CELF2: variants seen among roughly 807,000 people sequenced by gnomAD.
CELF2 encodes CUGBP Elav-like family member 2, also known as CUG triplet repeat RNA-binding protein 2.
CELF2 carries 8 observed loss-of-function variants against 62.6 expected under a neutral mutation model. The observed-to-expected ratio is 0.13, with a 90% CI of 0.07 to 0.23. CELF2 has a LOEUF of 0.23. Ranked by LOEUF, CELF2 falls within the 10% of genes least tolerant of loss-of-function variation. CELF2 has a pLI of 1.00. For synonymous variants in CELF2, 258 were observed against 250.0 expected (o/e 1.03, Z -0.30); for missense variants, 333 against 671.0 (o/e 0.50, Z 5.56).
the CELF2 span, among the ~76,000 whole-genome samples, chr10:10,620,197 C>A: frequency 1.3e-5 from 2 of 152,152 alleles, no homozygotes; most frequent in South Asian, 2.1e-4. Context: ...TGGAATATAG[C>A]CATACTTATT....
At chr10:10,733,351 A>C in the CELF2 span, among the ~76,000 whole-genome samples, 5 of 152,304 alleles carry the variant, frequency 3.3e-5, no homozygotes, top group East Asian at 9.6e-4. Flanking sequence ...TCTATCTGCC[A>C]ACAGCGATAA....
At chr10:11,166,062 G>A (rs1173366725) in intron 2 of CELF2, among the ~76,000 whole-genome samples, 1 of 152,226 alleles carries the variant, frequency 6.6e-6, no homozygotes, top group Non-Finnish European at 1.5e-5. Context: ...CCACCCCTAC[G>A]TTCCTAGGCT....
chr10:10,677,040 A>T, the CELF2 span, among the ~76,000 whole-genome samples: 1 of 152,224 alleles, frequency 6.6e-6, no homozygotes, highest in South Asian at 2.1e-4. Flanking sequence ...CCAAAAAAGC[A>T]GACCAGTTCA....
intron 1 of CELF2, among the ~76,000 whole-genome samples, chr10:10,908,905 A>G (rs2063571342): frequency 6.6e-6 from 1 of 152,032 alleles, no homozygotes; most frequent in Non-Finnish European, 1.5e-5. Flanking sequence ...CTCCTGCCTC[A>G]GCTCCCGAGT....
chr10:10,663,753 A>G, the CELF2 span, among the ~76,000 whole-genome samples: 1 of 152,218 alleles, frequency 6.6e-6, no homozygotes, highest in African/African-American at 2.4e-5. Flanking sequence ...GGCCCTGAAT[A>G]TCCATCCAAG....
the CELF2 span, among the ~76,000 whole-genome samples, chr10:10,709,583 A>G: frequency 1.3e-5 from 2 of 152,196 alleles, no homozygotes; most frequent in Admixed American, 6.6e-5. Flanking sequence ...GAATATGTGA[A>G]GGTGGATGAG....
At position 11,152,845 on chromosome 10, in the gene CELF2, G is replaced by A. The variant is rs188847699; in HGVS notation, c.75-12641G>A. ...GGCTGTGGAATAGGCAAGGATGGCT[G>A]TGGACTCTGGCAATCCCATTAGAGT... On this transcript the variant is annotated intron_variant, in intron 1 of 12. Coordinates refer to ENST00000633077, the MANE Select transcript of CELF2 (RefSeq NM_001326342.2). Among the ~76,000 whole-genome samples, 333 of 152,336 alleles carry A rather than the reference G, an allele frequency of 2.2e-3. 2 individuals are homozygous for A. The highest frequency in any genetic ancestry group is 0.02 in the Admixed American group (300 of 15,306).
chr10:11,163,427 C>T (rs1227424580), intron 1 of CELF2, among the ~76,000 whole-genome samples: 1 of 152,188 alleles, frequency 6.6e-6, no homozygotes, highest in Non-Finnish European at 1.5e-5. Context: ...TGCTGTACTG[C>T]AAGGGGCTCC....
intron 1 of CELF2, among the ~76,000 whole-genome samples, chr10:11,107,532 A>G (rs79786492): frequency 0.056 from 8,545 of 152,076 alleles, 333 homozygotes; most frequent in African/African-American, 0.099. Context: ...ATTCACACTT[A>G]CTGCAGTCCC....
In CELF2 at chr10:11,311,899, A is replaced by C. The variant is rs2094579857; in HGVS notation, c.977-2240A>C. On this transcript the variant is annotated intron_variant, in intron 9 of 12. Coordinates refer to ENST00000633077, the MANE Select transcript of CELF2 (RefSeq NM_001326342.2). This position sits in a 1 kb window ranked among gnomAD's most constrained non-coding sequence, Gnocchi z 4.7. ...ATATAAGAGCAGCTAATAACCAAGA[A>C]CTTTTCAGAACTGATAAAAGGTAGA... 6.6e-6 allele frequency among the ~76,000 whole-genome samples: 1 copy of C among 152,186 alleles called. No homozygotes were observed. The highest frequency in any genetic ancestry group is 1.5e-5 in the Non-Finnish European group (1 of 68,032).
chr10:10,654,389 A>G, the CELF2 span, among the ~76,000 whole-genome samples: 2 of 109,778 alleles, frequency 1.8e-5, 1 homozygote, highest in Non-Finnish European at 3.9e-5. Flanking sequence ...TCATTCTGAT[A>G]CCAAAGCCTG....
rs535328727 is a variant in CELF2, at chr10:10,821,378, G to A, written c.53+22561G>A. ...GCACGGAGCCGAGCCATTGGTTCTTGGCATGGAAAGGCGAGAGTACCAGGG... is the reference window on the plus strand; with the variant it reads ...GCACGGAGCCGAGCCATTGGTTCTTAGCATGGAAAGGCGAGAGTACCAGGG... On this transcript the variant is annotated intron_variant, in intron 1 of 13. Transcript: ENST00000636488. Among the ~76,000 whole-genome samples, 248 of 152,302 alleles carry A rather than the reference G, an allele frequency of 1.6e-3. 1 individual carries two copies. The highest frequency in any genetic ancestry group is 5.6e-3 in the African/African-American group (234 of 41,572).
At chr10:11,042,682 T>A (rs1287236842) in intron 1 of CELF2, among the ~76,000 whole-genome samples, 1 of 152,168 alleles carries the variant, frequency 6.6e-6, no homozygotes, top group Non-Finnish European at 1.5e-5. Flanking sequence ...CCTTTAAGGG[T>A]CACCTCCCCC....
the CELF2 span, among the ~76,000 whole-genome samples, chr10:10,676,362 G>T: frequency 3.3e-5 from 5 of 151,932 alleles, no homozygotes; most frequent in African/African-American, 9.7e-5. Context: ...GGTCAGTGGC[G>T]CTCTGATAAA....
intron 2 of CELF2, among the ~76,000 whole-genome samples, chr10:10,933,424 T>G (rs1300476391): frequency 1.3e-5 from 2 of 152,202 alleles, no homozygotes; most frequent in African/African-American, 2.4e-5. Context: ...TCTCATACAA[T>G]TATCATTTCT....
intron 2 of CELF2, among the ~76,000 whole-genome samples, chr10:11,204,684 A>G (rs2060023087): frequency 6.6e-6 from 1 of 152,216 alleles, no homozygotes; most frequent in Non-Finnish European, 1.5e-5. Context: ...CCCGTGTGAC[A>G]GGAACTCTCA....
At chr10:10,509,992 G>A in the CELF2 span, among the ~76,000 whole-genome samples, 1 of 152,214 alleles carries the variant, frequency 6.6e-6, no homozygotes, top group Non-Finnish European at 1.5e-5. Flanking sequence ...CCCAGCACCT[G>A]CAAAGGCATT....
rs748633818 is a variant in CELF2 at position 11,280,971 on chromosome 10, C to T, written c.841+5851C>T. Among the ~76,000 whole-genome samples the T allele has an allele frequency of 2.9e-4, 42 of 144,670 alleles. No individual in the cohort carries two copies. The highest frequency in any genetic ancestry group is 5.5e-4 in the Non-Finnish European group (37 of 67,068). 94.9% of individuals were successfully genotyped at this position (144,670 alleles called of 152,430 possible). On this transcript the variant is annotated intron_variant, in intron 8 of 12. Coordinates refer to ENST00000633077, the MANE Select transcript of CELF2 (RefSeq NM_001326342.2). The surrounding 1 kb of genome is among the most constrained non-coding windows in gnomAD (Gnocchi z 7.6). ...CCTGGCTGCTTCTGATGCTGGCGTG[C>T]GTGTGCATGCCTGTGTGCGTGTGTG...
the CELF2 span, among the ~76,000 whole-genome samples, chr10:10,601,301 T>C: frequency 6.6e-6 from 1 of 152,244 alleles, no homozygotes; most frequent in Non-Finnish European, 1.5e-5. Context: ...AAAGTCATTG[T>C]TGCAGTGGCA....
Sources: gnomAD v4.1 joint callset for allele counts (sites outside exome capture counted in the v4.1 genomes callset) on GRCh38, gnomAD v4.1.1 for gene constraint, Gnocchi (gnomAD v3.1) non-coding constraint, MANE v1.5 for transcripts, NCBI Gene and HGNC (gene_info 2026-07-23, HGNC 2026-07-21) for gene names.